MRRF: variants seen among roughly 807,000 people sequenced by gnomAD.
MRRF encodes the protein ribosome-recycling factor, mitochondrial.
Under a neutral mutation model 25.1 loss-of-function variants are expected in MRRF, and 18 were observed. The observed-to-expected ratio is 0.72, with a 90% confidence interval of 0.50 to 1.06. The LOEUF is 1.06. Among genes scored for constraint, MRRF ranks in the 50% least tolerant of loss-of-function variants. The probability of loss-of-function intolerance (pLI) is 0.00; values close to 1 mark genes in which losing one functional copy is unlikely to be tolerated. For missense variants in MRRF, 323 were observed against 319.3 expected, an observed-to-expected ratio of 1.01 and a Z score of -0.09; for synonymous variants, 113 against 112.1, an observed-to-expected ratio of 1.01 and a Z score of -0.05.
intron 5 of MRRF, among the ~76,000 whole-genome samples, chr9:122,311,610 T>C (rs2118957917): frequency 6.6e-6 from 1 of 152,358 alleles, no homozygotes; most frequent in Middle Eastern, 3.4e-3. Context: ...TTGAGTCTCA[T>C]TTTATATTTT....
chr9:122,301,381 C>T (rs1027301551), intron 5 of MRRF, among the ~76,000 whole-genome samples: 1 of 152,172 alleles, frequency 6.6e-6, no homozygotes, highest in Non-Finnish European at 1.5e-5. Flanking sequence ...CTGCAGTTGA[C>T]AGCTGCAGGA....
At chr9:122,280,152 T>C (rs1833009477) in intron 2 of MRRF, among the ~76,000 whole-genome samples, 1 of 152,192 alleles carries the variant, frequency 6.6e-6, no homozygotes, top group Admixed American at 6.5e-5. Flanking sequence ...GTAGGGAACT[T>C]GATACTCAGA....
chr9:122,277,014 C>T (rs1654427436), intron 2 of MRRF, among the ~76,000 whole-genome samples: 1 of 152,108 alleles, frequency 6.6e-6, no homozygotes. Flanking sequence ...GCACGCACGG[C>T]CATGCCTGGT....
intron 6 of MRRF, among the ~76,000 whole-genome samples, chr9:122,316,902 TTC>T (rs1433336001): frequency 2.6e-5 from 4 of 151,796 alleles, no homozygotes; most frequent in Non-Finnish European, 4.4e-5. Flanking sequence ...GCTTTTTATT[TTC>T]TGTTTGACCT....
intron 5 of MRRF, among the ~76,000 whole-genome samples, chr9:122,293,401 C>G (rs1373421657): frequency 6.6e-6 from 1 of 152,194 alleles, no homozygotes; most frequent in African/African-American, 2.4e-5. Context: ...GACCCAAACC[C>G]AGGTTTAGTT....
chr9:122,283,966 T>TTTGTTGTTGTTG (rs199591983), intron 3 of MRRF, among the ~76,000 whole-genome samples: 8 of 150,534 alleles, frequency 5.3e-5, no homozygotes, highest in African/African-American at 1.5e-4. Context: ...TGTTAATAGT[T>TTTGTTGTTGTTG]TTGTTGTTGT....
intron 1 of MRRF, among the ~76,000 whole-genome samples, chr9:122,269,038 C>T (rs568823539): frequency 1.2e-3 from 189 of 151,836 alleles, no homozygotes; most frequent in African/African-American, 4.4e-3. Flanking sequence ...TGGTGGCAGG[C>T]GCCTGTAGTC....
At chr9:122,268,490 T>TA (rs1832257765) in intron 1 of MRRF, among the ~76,000 whole-genome samples, 1 of 152,212 alleles carries the variant, frequency 6.6e-6, no homozygotes, top group African/African-American at 2.4e-5. Flanking sequence ...AAAACCTAGA[T>TA]ATAGAAACTT....
intron 1 of MRRF, chr9:122,265,724 T>C (rs769978380): frequency 1.0e-4 from 134 of 1,286,530 alleles, no homozygotes; most frequent in Middle Eastern, 4.2e-4. Context: ...CTGCCGCAAA[T>C]GCTTTTTGAA....
Position 122,322,731 on chromosome 9 carries a change from C to A in MRRF, c.*114C>A. On this transcript the variant is annotated 3_prime_UTR_variant, in exon 7 of 7. Coordinates refer to ENST00000344641, the MANE Select transcript of MRRF (RefSeq NM_138777.5). Reference sequence around the variant, plus strand: ...ACACAGAAGACTGTCACCATGCTGACAGAAGCCTGTCCTTGTAAGGCCCAG... The same window carrying A: ...ACACAGAAGACTGTCACCATGCTGAAAGAAGCCTGTCCTTGTAAGGCCCAG... 1 of 926,046 alleles carries A rather than the reference C, an allele frequency of 1.1e-6. No homozygotes were observed. The highest frequency in any genetic ancestry group is 1.7e-6 in the Non-Finnish European group (1 of 574,988). The allele number at this position is 926,046 out of a possible 1,614,324, so 57.4% of individuals were successfully genotyped here.
At chr9:122,276,238 A>C (rs2119068822) in intron 2 of MRRF, among the ~76,000 whole-genome samples, 1 of 152,236 alleles carries the variant, frequency 6.6e-6, no homozygotes, top group East Asian at 1.9e-4. Flanking sequence ...TTGTTTTTAA[A>C]GTATTAAGGT....
chr9:122,328,335 C>T lies in MRRF; in HGVS notation c.*5718C>T, dbSNP rs1174738369. On this transcript the variant is annotated 3_prime_UTR_variant, in exon 7 of 7. Coordinates refer to ENST00000344641, the MANE Select transcript of MRRF (RefSeq NM_138777.5). ...TACATTTACATTGTTGTACAACCAT[C>T]CTCCAGAACTCTTTACCATGCAGAA... The T allele has an allele frequency of 6.6e-6, 1 of 152,166 alleles. No homozygotes were observed. The highest frequency in any genetic ancestry group is 1.5e-5 in the Non-Finnish European group (1 of 68,042). The allele number at this position is 152,166 out of a possible 1,614,324, so 9.4% of individuals were successfully genotyped here.
chr9:122,308,756 A>G (rs1040821757), intron 5 of MRRF, among the ~76,000 whole-genome samples: 8 of 151,460 alleles, frequency 5.3e-5, no homozygotes, highest in Non-Finnish European at 8.8e-5. Context: ...AGGCTAAAGT[A>G]CAGTGGCATA....
chr9:122,269,886 A>G (rs528810983), intron 1 of MRRF, among the ~76,000 whole-genome samples: 1 of 152,332 alleles, frequency 6.6e-6, no homozygotes, highest in African/African-American at 2.4e-5. Context: ...AAATGAGTAC[A>G]ATTATTCCCA....
At chr9:122,278,658 G>C (rs1475319658) in intron 2 of MRRF, among the ~76,000 whole-genome samples, 1 of 152,050 alleles carries the variant, frequency 6.6e-6, no homozygotes, top group Non-Finnish European at 1.5e-5. Context: ...TGCATATTTG[G>C]TTTTAAAAGT....
intron 6 of MRRF, among the ~76,000 whole-genome samples, chr9:122,317,749 A>G (rs2118993213): frequency 6.6e-6 from 1 of 152,274 alleles, no homozygotes; most frequent in East Asian, 1.9e-4. Flanking sequence ...TTTTATTTTG[A>G]GTGAGATTAT....
At chr9:122,298,530 C>T (rs1242057684) in intron 5 of MRRF, among the ~76,000 whole-genome samples, 1 of 152,186 alleles carries the variant, frequency 6.6e-6, no homozygotes, top group African/African-American at 2.4e-5. Context: ...TATCCTCTGC[C>T]CCTTTGCATG....
intron 6 of MRRF, among the ~76,000 whole-genome samples, chr9:122,313,926 A>G (rs192187112): frequency 6.6e-6 from 1 of 152,348 alleles, no homozygotes; most frequent in Admixed American, 6.5e-5. Flanking sequence ...GTAAGGTGAT[A>G]TAAAAACAAT....
chr9:122,281,457 A>C (rs1228707941), intron 3 of MRRF, among the ~76,000 whole-genome samples: 1 of 152,220 alleles, frequency 6.6e-6, no homozygotes, highest in East Asian at 1.9e-4. Context: ...AGCTCCACTT[A>C]TAAACACTAT....
Sources: allele counts gnomAD v4.1 joint callset (sites outside exome capture counted in the v4.1 genomes callset), GRCh38; gene constraint gnomAD v4.1.1; transcripts MANE v1.5; gene names NCBI Gene and HGNC (gene_info 2026-07-23, HGNC 2026-07-21).